The following NXPE2 variants were observed in gnomAD, a reference collection of about 807,000 sequenced individuals.
The protein encoded by NXPE2 is NXPE family member 2.
NXPE2 carries 34 observed loss-of-function variants against 34.4 expected under a neutral mutation model. That is an observed-to-expected ratio of 0.99 (90% CI 0.75 to 1.31). The LOEUF is 1.31. Ranked by LOEUF, NXPE2 falls within the 40% of genes most tolerant of loss-of-function variation. NXPE2 has a pLI of 0.00. For missense variants in NXPE2, 649 were observed against 672.5 expected, an observed-to-expected ratio of 0.97 and a Z score of 0.39; for synonymous variants, 235 against 231.3, an observed-to-expected ratio of 1.02 and a Z score of -0.15.
chr11:114,608,316 C>T, the NXPE2 span, among the ~76,000 whole-genome samples: 2 of 151,756 alleles, frequency 1.3e-5, no homozygotes, highest in Non-Finnish European at 2.9e-5. Context: ...CATGGGTAAC[C>T]AGTGTTACTT....
the NXPE2 span, among the ~76,000 whole-genome samples, chr11:114,728,115 CT>C: frequency 6.6e-6 from 1 of 152,018 alleles, no homozygotes; most frequent in African/African-American, 2.4e-5. Context: ...TCAAATCTCT[CT>C]TTGATTATTT....
At chr11:114,752,369 G>T in the NXPE2 span, among the ~76,000 whole-genome samples, 34,566 of 152,162 alleles carry the variant, frequency 0.23, 4,571 homozygotes, top group South Asian at 0.37. Flanking sequence ...TTCATTTTGA[G>T]TTAGATGGAA....
chr11:114,735,741 C>A, the NXPE2 span, among the ~76,000 whole-genome samples: 10 of 152,158 alleles, frequency 6.6e-5, no homozygotes, highest in Non-Finnish European at 1.3e-4. Flanking sequence ...GTAGCCATAG[C>A]ACCCTATCCA....
At chr11:114,633,023 A>C in the NXPE2 span, among the ~76,000 whole-genome samples, 3 of 109,050 alleles carry the variant, frequency 2.8e-5, no homozygotes, top group East Asian at 2.4e-4. Flanking sequence ...TATAATATAT[A>C]ATGTAATATT....
chr11:114,655,612 T>C, the NXPE2 span, among the ~76,000 whole-genome samples: 1 of 152,190 alleles, frequency 6.6e-6, no homozygotes, highest in East Asian at 1.9e-4. Context: ...TTTTGTCAGG[T>C]TTGAGGAAGA....
At chr11:114,609,319 A>C in the NXPE2 span, among the ~76,000 whole-genome samples, 4 of 151,596 alleles carry the variant, frequency 2.6e-5, no homozygotes, top group African/African-American at 9.7e-5. Flanking sequence ...CTCGTGGGTA[A>C]CCACGGTTAC....
chr11:114,475,237 T>TTG, the NXPE2 span, among the ~76,000 whole-genome samples: 1 of 55,428 alleles, frequency 1.8e-5, no homozygotes, highest in Non-Finnish European at 3.1e-5. Context: ...TTTTTTTTTT[T>TTG]TTTTTTTTTT....
At chr11:114,473,603 G>A in the NXPE2 span, among the ~76,000 whole-genome samples, 16 of 152,192 alleles carry the variant, frequency 1.1e-4, no homozygotes, top group South Asian at 2.3e-3. Context: ...CTATGTTTTG[G>A]TTTACAAAGC....
rs775778394 is a variant in NXPE2, at chr11:114,698,284, CA to C, written c.373del (p.Arg125GlyfsTer11). 2.5e-6 allele frequency: 4 copies of C among 1,613,352 alleles called. No homozygotes were observed. The highest frequency in any genetic ancestry group is 1.7e-5 in the Admixed American group (1 of 59,984). On this transcript the variant is annotated frameshift_variant, in exon 3 of 6. Transcript: ENST00000389586. LOFTEE classifies it high-confidence loss of function. ...TILNPQDTYC[R>X]GDQLDILLEV... ...TCCTCAACCCTCAAGATACGTACTG[CA>C]GGGGGGATCAGCTGGACATCCTTCT...
chr11:114,604,671 C>T, the NXPE2 span, among the ~76,000 whole-genome samples: 3 of 151,932 alleles, frequency 2.0e-5, no homozygotes, highest in African/African-American at 2.4e-5. Context: ...AATATTGCCT[C>T]GTGGGTAACC....
At chr11:114,527,277 A>G in the NXPE2 span, 2 of 152,260 alleles carry the variant, frequency 1.3e-5, no homozygotes, top group East Asian at 1.9e-4. Context: ...AAATGAATAA[A>G]TGGTGGCAAT....
At chr11:114,624,587 C>T in the NXPE2 span, among the ~76,000 whole-genome samples, 1 of 151,690 alleles carries the variant, frequency 6.6e-6, no homozygotes, top group African/African-American at 2.4e-5. Context: ...CCACTGTTAA[C>T]TGGTGGATTA....
intron 3 of NXPE2, among the ~76,000 whole-genome samples, chr11:114,700,505 C>A (rs1337367715): frequency 9.9e-5 from 15 of 151,828 alleles, no homozygotes. Context: ...AGGTGGAGTG[C>A]AGAAAGGCTG....
chr11:114,734,554 A>G, the NXPE2 span, among the ~76,000 whole-genome samples: 3 of 152,210 alleles, frequency 2.0e-5, no homozygotes, highest in Non-Finnish European at 4.4e-5. Flanking sequence ...TGTATGGCTA[A>G]TAATTTACTT....
chr11:114,522,508 TA>T, the NXPE2 span: 3 of 1,570,746 alleles, frequency 1.9e-6, no homozygotes, highest in African/African-American at 1.4e-5. Context: ...TCAGTGCTGA[TA>T]AAAAAACAAA....
At chr11:114,634,513 G>T in the NXPE2 span, among the ~76,000 whole-genome samples, 1 of 152,012 alleles carries the variant, frequency 6.6e-6, no homozygotes, top group Admixed American at 6.6e-5. Context: ...ATTGCTTTTG[G>T]TGTTTTAGAC....
chr11:114,604,038 C>T, the NXPE2 span, among the ~76,000 whole-genome samples: 7 of 151,732 alleles, frequency 4.6e-5, no homozygotes, highest in South Asian at 4.1e-4. Context: ...AACAGTATTG[C>T]CTCATAGGTA....
chr11:114,608,075 C>T, the NXPE2 span, among the ~76,000 whole-genome samples: 1 of 148,868 alleles, frequency 6.7e-6, no homozygotes, highest in Non-Finnish European at 1.5e-5. Flanking sequence ...CACTGTTACC[C>T]TGTGTCTAAT....
At chr11:114,584,725 C>G in the NXPE2 span, 4 of 152,866 alleles carry the variant, frequency 2.6e-5, no homozygotes, top group Non-Finnish European at 5.9e-5. Context: ...TGGCTTCCTG[C>G]CTAGTCCCCA....
Sources: gnomAD v4.1 joint callset for allele counts (sites outside exome capture counted in the v4.1 genomes callset) on GRCh38, gnomAD v4.1.1 for gene constraint, MANE v1.5 for transcripts, NCBI Gene and HGNC (gene_info 2026-07-23, HGNC 2026-07-21) for gene names.